MAPK4: variants seen among roughly 807,000 people sequenced by gnomAD.
MAPK4 encodes Erk3-related.
Under a neutral mutation model 47.7 loss-of-function variants are expected in MAPK4, and 22 were observed. That is an observed-to-expected ratio of 0.46 (90% CI 0.33 to 0.66). The LOEUF (loss-of-function observed/expected upper bound fraction) is 0.66, where lower values mean the gene tolerates loss of function less well. Ranked by LOEUF, MAPK4 falls within the 30% of genes least tolerant of loss-of-function variation. The pLI, the probability that MAPK4 is intolerant of heterozygous loss-of-function variation, is 0.02. For missense variants in MAPK4, 736 were observed against 831.7 expected (o/e 0.88, Z 1.42); for synonymous variants, 390 against 365.7 (o/e 1.07, Z -0.76).
intron 1 of MAPK4, among the ~76,000 whole-genome samples, chr18:50,592,852 G>A (rs75929136): frequency 2.6e-5 from 4 of 152,314 alleles, no homozygotes; most frequent in Non-Finnish European, 5.9e-5. Flanking sequence ...GGACAATTCA[G>A]ACAATTTTGG....
chr18:50,703,829 C>T (rs953171832), intron 2 of MAPK4, among the ~76,000 whole-genome samples: 5 of 152,182 alleles, frequency 3.3e-5, no homozygotes, highest in Non-Finnish European at 7.3e-5. Flanking sequence ...TCCTATCTCC[C>T]CTGCTAGCTA....
intron 1 of MAPK4, among the ~76,000 whole-genome samples, chr18:50,571,993 A>C (rs756083185): frequency 1.2e-4 from 19 of 152,260 alleles, no homozygotes; most frequent in Non-Finnish European, 2.5e-4. Context: ...AGAATAAGGA[A>C]GATGATTACT....
chr18:50,688,301 C>G (rs1909003390), intron 2 of MAPK4, among the ~76,000 whole-genome samples: 1 of 152,112 alleles, frequency 6.6e-6, no homozygotes, highest in Non-Finnish European at 1.5e-5. Context: ...GATGAGTGTT[C>G]CAGGCACAGA....
chr18:50,659,664 T>C (rs2043148744), intron 1 of MAPK4, among the ~76,000 whole-genome samples: 1 of 152,210 alleles, frequency 6.6e-6, no homozygotes, highest in African/African-American at 2.4e-5. Context: ...TGAAACTCCA[T>C]TGTTCAGAGT....
At chr18:50,674,701 C>G (rs556037499) in intron 2 of MAPK4, among the ~76,000 whole-genome samples, 5 of 152,344 alleles carry the variant, frequency 3.3e-5, no homozygotes, top group African/African-American at 1.2e-4. Flanking sequence ...CTTCCTCTGG[C>G]TGTGCAAAGC....
In MAPK4 at chr18:50,729,236, G is replaced by A. The variant is rs1568102097; in HGVS notation, c.1146G>A (p.Pro382=). ...ACGCCAGCGAGGTACAGCGCGACCC[G>A]CGCGCGGGTTCGGCGCCACTGGCTG... The part of the protein sequence containing the change: ...CQDASEVQRD[P]RAGSAPLAED... Residue 382 remains proline (P), a synonymous_variant, in exon 6 of 6, where the codon CCG becomes CCA. Transcript: ENST00000400384. 10 of 1,608,116 alleles carry A rather than the reference G, an allele frequency of 6.2e-6. 1 individual carries two copies. Among genetic ancestry groups the A allele is most frequent in the Middle Eastern group, 1.7e-4 (1 of 6,048 alleles).
chr18:50,562,187 C>G (rs35836646), intron 1 of MAPK4, among the ~76,000 whole-genome samples: 62,334 of 151,962 alleles, frequency 0.41, 13,758 homozygotes, highest in Non-Finnish European at 0.49. Context: ...TAAAAAAAAG[C>G]AAACAAATAG....
At chr18:50,575,304 T>C (rs1259065683) in intron 1 of MAPK4, among the ~76,000 whole-genome samples, 1 of 152,184 alleles carries the variant, frequency 6.6e-6, no homozygotes, top group East Asian at 1.9e-4. Context: ...ATCTTGGATT[T>C]CCAAAACTGT....
intron 3 of MAPK4, 95 bp downstream of exon 3, chr18:50,715,318 C>A: frequency 7.2e-7 from 1 of 1,393,674 alleles, no homozygotes; most frequent in Non-Finnish European, 9.6e-7. Flanking sequence ...AAAACATGCT[C>A]ATCTTTTGCT....
At chr18:50,651,720 T>G (rs965742494) in intron 1 of MAPK4, among the ~76,000 whole-genome samples, 4 of 152,176 alleles carry the variant, frequency 2.6e-5, no homozygotes, top group African/African-American at 9.7e-5. Flanking sequence ...AGTTGGCAAT[T>G]CATTGTAGAT....
chr18:50,716,867 A>C (rs1215612175), intron 3 of MAPK4, among the ~76,000 whole-genome samples: 4 of 152,032 alleles, frequency 2.6e-5, no homozygotes, highest in Admixed American at 6.5e-5. Context: ...TGCCCTGTAC[A>C]CAGAGCGGGA....
chr18:50,682,179 TA>T (rs1227969054), intron 2 of MAPK4, among the ~76,000 whole-genome samples: 1 of 152,116 alleles, frequency 6.6e-6, no homozygotes, highest in Non-Finnish European at 1.5e-5. Context: ...GTGAATAAAC[TA>T]AAACCCACTA....
At chr18:50,600,686 A>G (rs2042527741) in intron 1 of MAPK4, among the ~76,000 whole-genome samples, 1 of 152,134 alleles carries the variant, frequency 6.6e-6, no homozygotes. Context: ...TTTTAAGTTC[A>G]GTTTCCTGTT....
chr18:50,698,805 A>G (rs766781047), intron 2 of MAPK4, among the ~76,000 whole-genome samples: 1 of 152,164 alleles, frequency 6.6e-6, no homozygotes, highest in Non-Finnish European at 1.5e-5. Context: ...CAAGGCAGGC[A>G]GATCACCTGA....
At chr18:50,620,750 AAAAT>A (rs2042724620) in intron 1 of MAPK4, among the ~76,000 whole-genome samples, 1 of 151,432 alleles carries the variant, frequency 6.6e-6, no homozygotes. Context: ...ATAAAAATTA[AAAAT>A]ATATATATAT....
chr18:50,602,365 G>C (rs1029101526), intron 1 of MAPK4, among the ~76,000 whole-genome samples: 11 of 152,138 alleles, frequency 7.2e-5, no homozygotes, highest in Admixed American at 2.6e-4. Flanking sequence ...GAACCCATTT[G>C]GGCTTTGCTG....
intron 3 of MAPK4, among the ~76,000 whole-genome samples, chr18:50,715,627 T>G (rs1910597132): frequency 2.6e-5 from 4 of 152,224 alleles, no homozygotes; most frequent in Admixed American, 2.6e-4. Context: ...GGAGCTTGTT[T>G]GCCACTTCCA....
chr18:50,726,496 T>C (rs1162497234), intron 5 of MAPK4, among the ~76,000 whole-genome samples: 1 of 152,164 alleles, frequency 6.6e-6, no homozygotes, highest in East Asian at 1.9e-4. Context: ...TCTAGCAGCC[T>C]GGGAACTTGC....
intron 2 of MAPK4, among the ~76,000 whole-genome samples, chr18:50,697,306 C>T (rs1388688148): frequency 6.6e-6 from 1 of 152,190 alleles, no homozygotes; most frequent in Non-Finnish European, 1.5e-5. Context: ...GCAAACCTAC[C>T]GGCGTAGCAT....
Sources: allele counts gnomAD v4.1 joint callset (sites outside exome capture counted in the v4.1 genomes callset), GRCh38; gene constraint gnomAD v4.1.1; transcripts MANE v1.5; gene names NCBI Gene and HGNC (gene_info 2026-07-23, HGNC 2026-07-21).